The following CD82 variants were observed in gnomAD, a reference collection of about 807,000 sequenced individuals.
CD82 encodes the protein CD82 molecule.
Under a neutral mutation model 37.4 loss-of-function variants are expected in CD82, and 36 were observed. The ratio of observed to expected loss-of-function variants is 0.96; its 90% CI spans 0.74 to 1.27. The LOEUF is 1.27. CD82 is among the 50% of genes most tolerant of loss of function. CD82 has a pLI of 0.00. For synonymous variants in CD82, 158 were observed against 137.4 expected, an observed-to-expected ratio of 1.15 and a Z score of -1.05; for missense variants, 340 against 347.0, an observed-to-expected ratio of 0.98 and a Z score of 0.16.
At chr11:44,582,714 C>T (rs556510393) in intron 1 of CD82, among the ~76,000 whole-genome samples, 1 of 152,176 alleles carries the variant, frequency 6.6e-6, no homozygotes, top group Non-Finnish European at 1.5e-5. Flanking sequence ...TTCAGGGCCT[C>T]TGGAATCTGG....
chr11:44,577,902 G>A (rs1225742217), intron 1 of CD82, among the ~76,000 whole-genome samples: 2 of 152,118 alleles, frequency 1.3e-5, no homozygotes, highest in South Asian at 2.1e-4. Context: ...GGGTGTCCTC[G>A]GCGGATAATG....
intron 1 of CD82, among the ~76,000 whole-genome samples, chr11:44,570,617 G>A (rs1852800493): frequency 6.6e-6 from 1 of 152,230 alleles, no homozygotes; most frequent in African/African-American, 2.4e-5. Flanking sequence ...CTTCAGGCCT[G>A]TGGGCCGCAC....
chr11:44,612,993 G>C (rs563244191), intron 6 of CD82, among the ~76,000 whole-genome samples: 6 of 152,186 alleles, frequency 3.9e-5, no homozygotes, highest in African/African-American at 1.4e-4. Flanking sequence ...AGGTCCATCT[G>C]CAGGATATGG....
chr11:44,601,488 G>A (rs529298192), intron 4 of CD82, among the ~76,000 whole-genome samples: 1 of 152,274 alleles, frequency 6.6e-6, no homozygotes, highest in South Asian at 2.1e-4. Flanking sequence ...ATTAGGCCCA[G>A]CTCTCTACTT....
intron 2 of CD82, among the ~76,000 whole-genome samples, chr11:44,588,301 G>A (rs1468425011): frequency 2.0e-5 from 3 of 151,048 alleles, no homozygotes; most frequent in Admixed American, 6.6e-5. Flanking sequence ...TTGGCTCACT[G>A]CCACCTCCAC....
intron 6 of CD82, chr11:44,607,875 TC>T (rs1565092816): frequency 1.3e-5 from 2 of 152,110 alleles, no homozygotes; most frequent in Non-Finnish European, 2.9e-5. Flanking sequence ...CTCAGAGGTG[TC>T]CTATCAGCCC....
At chr11:44,596,934 C>T (rs535307243) in intron 3 of CD82, 4 of 456,144 alleles carry the variant, frequency 8.8e-6, no homozygotes, top group African/African-American at 2.0e-5. Context: ...ATAGGCTCTT[C>T]GGAAAGCAGA....
Position 44,605,292 on chromosome 11 carries a change from C to A in CD82, c.262-63C>A, listed in dbSNP as rs913479917. The A allele has an allele frequency of 5.6e-6, 9 of 1,610,734 alleles. No individual in the cohort carries two copies. The African/African-American group carries it at 1.2e-4, about 22-fold the overall frequency. Reference sequence around the variant, plus strand: ...CGGGTGGAGAGCATCTCTCGGGGCACGCAGGCTGGGTGCACCTGGTCGGGG... The same window carrying A: ...CGGGTGGAGAGCATCTCTCGGGGCAAGCAGGCTGGGTGCACCTGGTCGGGG... On this transcript the variant is annotated intron_variant, in intron 5 of 9. Transcript: ENST00000227155.
At chr11:44,576,866 T>A (rs1458956827) in intron 1 of CD82, among the ~76,000 whole-genome samples, 1 of 152,008 alleles carries the variant, frequency 6.6e-6, no homozygotes, top group Non-Finnish European at 1.5e-5. Flanking sequence ...GGGCAGGGAG[T>A]TGCCCAGGAT....
chr11:44,611,521 G>A (rs1025294390), intron 6 of CD82, among the ~76,000 whole-genome samples: 56 of 152,356 alleles, frequency 3.7e-4, no homozygotes, highest in African/African-American at 1.3e-3. Flanking sequence ...CCTGCTTCTG[G>A]CATCGAGGGA....
chr11:44,600,202 C>T lies in CD82; in HGVS notation c.108C>T (p.Ala36=), dbSNP rs138833231. Residue 36 remains alanine, a synonymous_variant, in exon 4 of 10, where the codon GCC becomes GCT. Coordinates refer to ENST00000227155, the MANE Select transcript of CD82 (RefSeq NM_002231.4). ...VILGFGVWIL[A]DKSSFISVLQ... is the part of the protein sequence containing the mutation. ...TGGGCTTCGGGGTGTGGATCCTGGCCGACAAGAGCAGTTTCATCTCTGTCC... is the reference window on the plus strand; with the variant it reads ...TGGGCTTCGGGGTGTGGATCCTGGCTGACAAGAGCAGTTTCATCTCTGTCC... 4.4e-3 allele frequency: 7,089 copies of T among 1,613,940 alleles called. 23 individuals carry two copies. The highest frequency in any genetic ancestry group is 5.6e-3 in the Non-Finnish European group (6,563 of 1,179,964).
chr11:44,603,394 G>A (rs1298680632), intron 4 of CD82, among the ~76,000 whole-genome samples: 2 of 152,196 alleles, frequency 1.3e-5, no homozygotes, highest in Non-Finnish European at 2.9e-5. Flanking sequence ...CCAAGGTGGG[G>A]ACCTCGGCCT....
At chr11:44,590,093 A>G (rs2134647252) in intron 2 of CD82, among the ~76,000 whole-genome samples, 1 of 149,964 alleles carries the variant, frequency 6.7e-6, no homozygotes, top group South Asian at 2.1e-4. Context: ...TCAGCCTCCC[A>G]AAGTGCTGGG....
At position 44,577,100 on chromosome 11, in the gene CD82, C is replaced by A. The variant is rs149625629; in HGVS notation, c.-102-10375C>A. Among the ~76,000 whole-genome samples the A allele has an allele frequency of 2.8e-3, 419 of 152,200 alleles. 4 individuals are homozygous for A. The highest frequency in any genetic ancestry group is 9.8e-3 in the African/African-American group (405 of 41,530). On this transcript the variant is annotated intron_variant, in intron 1 of 9. Coordinates refer to ENST00000227155, the MANE Select transcript of CD82 (RefSeq NM_002231.4). ...GGGATCTTCGCTGTTGGCCAAGAACCCATGGGGAGGCAAGATAGGGTAGTC... is the reference window on the plus strand; with the variant it reads ...GGGATCTTCGCTGTTGGCCAAGAACACATGGGGAGGCAAGATAGGGTAGTC...
intron 1 of CD82, among the ~76,000 whole-genome samples, chr11:44,566,564 T>C (rs550889413): frequency 6.6e-6 from 1 of 152,330 alleles, no homozygotes; most frequent in East Asian, 1.9e-4. Context: ...TGGTCAAGGC[T>C]TGGGCTTTGG....
upstream of CD82, among the ~76,000 whole-genome samples, chr11:44,564,781 G>C (rs1852703388): frequency 6.6e-6 from 1 of 152,208 alleles, no homozygotes; most frequent in Non-Finnish European, 1.5e-5. Context: ...AGGCAAGCTG[G>C]GGCAGCTCAA....
intron 6 of CD82, chr11:44,606,532 G>A (rs1440106220): frequency 2.0e-5 from 3 of 151,788 alleles, no homozygotes; most frequent in African/African-American, 7.3e-5. Context: ...AGCCACCCCT[G>A]GTTGCAAAAG....
At chr11:44,567,965 G>A (rs1456627275) in intron 1 of CD82, among the ~76,000 whole-genome samples, 1 of 152,244 alleles carries the variant, frequency 6.6e-6, no homozygotes, top group Admixed American at 6.5e-5. Context: ...CCTCTAGGTT[G>A]CTCATTCTGG....
chr11:44,617,891 G>A (rs1853588874), intron 7 of CD82, among the ~76,000 whole-genome samples: 2 of 152,214 alleles, frequency 1.3e-5, no homozygotes, highest in Non-Finnish European at 2.9e-5. Flanking sequence ...TTTAAACCCT[G>A]CACTGTGAAC....
Sources: allele counts gnomAD v4.1 joint callset (sites outside exome capture counted in the v4.1 genomes callset), GRCh38; gene constraint gnomAD v4.1.1; transcripts MANE v1.5; gene names NCBI Gene and HGNC (gene_info 2026-07-23, HGNC 2026-07-21).